Variants in ACKR2 observed in about 807,000 individuals in gnomAD.
ACKR2 encodes the protein atypical chemokine receptor 2.
For missense variants in ACKR2, 457 were observed against 477.3 expected, an observed-to-expected ratio of 0.96 and a Z score of 0.40; for synonymous variants, 207 against 192.2, an observed-to-expected ratio of 1.08 and a Z score of -0.64.
intron 1 of ACKR2, among the ~76,000 whole-genome samples, chr3:42,816,993 C>G (rs764149333): frequency 6.6e-6 from 1 of 152,160 alleles, no homozygotes; most frequent in Non-Finnish European, 1.5e-5. Flanking sequence ...TCAAAAGACA[C>G]GGCTTTGAAT....
chr3:42,857,857 T>G (rs538313976), intron 2 of ACKR2, among the ~76,000 whole-genome samples: 41 of 152,350 alleles, frequency 2.7e-4, no homozygotes, highest in African/African-American at 9.1e-4. Flanking sequence ...CTGCCATTAC[T>G]GAGGCTTGAG....
intron 2 of ACKR2, among the ~76,000 whole-genome samples, chr3:42,820,039 A>G (rs1302855523): frequency 6.6e-6 from 1 of 152,190 alleles, no homozygotes; most frequent in South Asian, 2.1e-4. Flanking sequence ...AAGCTCTCCA[A>G]GTCATTCTGC....
At chr3:42,835,171 G>C (rs184625982) in intron 2 of ACKR2, 14 of 150,306 alleles carry the variant, frequency 9.3e-5, no homozygotes, top group Admixed American at 8.2e-4. Context: ...GAGCCAGCAC[G>C]ATCGGCCTGA....
intron 2 of ACKR2, among the ~76,000 whole-genome samples, chr3:42,832,416 G>C (rs1277115271): frequency 6.6e-6 from 1 of 152,058 alleles, no homozygotes; most frequent in Non-Finnish European, 1.5e-5. Flanking sequence ...TTGAACTGGG[G>C]AGGCAGAGGT....
intron 2 of ACKR2, among the ~76,000 whole-genome samples, chr3:42,823,399 C>T (rs1468884527): frequency 1.3e-5 from 2 of 152,190 alleles, no homozygotes; most frequent in Admixed American, 1.3e-4. Flanking sequence ...ACTGCTTTCT[C>T]TCCTGTCTGG....
chr3:42,847,486 G>T (rs1293507951), intron 2 of ACKR2, among the ~76,000 whole-genome samples: 1 of 152,192 alleles, frequency 6.6e-6, no homozygotes, highest in African/African-American at 2.4e-5. Flanking sequence ...AAATTGGAGG[G>T]CAAGTTTGTA....
chr3:42,843,773 A>G (rs1279592917), intron 2 of ACKR2: 1 of 152,260 alleles, frequency 6.6e-6, no homozygotes, highest in Non-Finnish European at 1.5e-5. Context: ...TTTAGGAGAG[A>G]GGACTGGGAT....
intron 1 of ACKR2, among the ~76,000 whole-genome samples, chr3:42,818,312 G>A (rs1469684978): frequency 1.3e-5 from 2 of 152,176 alleles, no homozygotes; most frequent in African/African-American, 4.8e-5. Flanking sequence ...TGAAAGCTGG[G>A]TCAATCCCTG....
rs150893366 is a variant in ACKR2, at chr3:42,821,735, C to T, written c.-38+2024C>T. ...TTTTTTAGAGAGAGTCTCGTTCTGTCGCCCAGGCTGGAGTGCAGTGGCGCT... is the reference window on the plus strand; with the variant it reads ...TTTTTTAGAGAGAGTCTCGTTCTGTTGCCCAGGCTGGAGTGCAGTGGCGCT... On this transcript the variant is annotated intron_variant, in intron 2 of 2. Transcript: ENST00000422265. Among the ~76,000 whole-genome samples, 465 of 151,768 alleles carry T rather than the reference C, an allele frequency of 3.1e-3. 3 individuals are homozygous for T. Among genetic ancestry groups the T allele is most frequent in the African/African-American group, 0.011 (441 of 41,368 alleles).
intron 2 of ACKR2, among the ~76,000 whole-genome samples, chr3:42,829,064 C>T (rs927141472): frequency 6.6e-6 from 1 of 151,984 alleles, no homozygotes; most frequent in Non-Finnish European, 1.5e-5. Flanking sequence ...AGCAGGTGTC[C>T]TGGTATAGAG....
At chr3:42,817,910 C>T (rs547962466) in intron 1 of ACKR2, among the ~76,000 whole-genome samples, 2 of 152,324 alleles carry the variant, frequency 1.3e-5, no homozygotes, top group East Asian at 3.9e-4. Flanking sequence ...GTCATTCTTT[C>T]TTAGTTACAG....
intron 2 of ACKR2, among the ~76,000 whole-genome samples, chr3:42,858,110 A>T (rs2088342281): frequency 6.6e-6 from 1 of 152,152 alleles, no homozygotes; most frequent in African/African-American, 2.4e-5. Flanking sequence ...GGCAGACTTA[A>T]ATGTTCCTGC....
intron 2 of ACKR2, among the ~76,000 whole-genome samples, chr3:42,823,921 C>T (rs1700835865): frequency 6.6e-6 from 1 of 152,182 alleles, no homozygotes; most frequent in Non-Finnish European, 1.5e-5. Context: ...TCACAGTCGT[C>T]CCTTCGTATC....
chr3:42,810,868 A>T (rs746379255), intron 1 of ACKR2, among the ~76,000 whole-genome samples: 2 of 152,086 alleles, frequency 1.3e-5, no homozygotes, highest in Non-Finnish European at 2.9e-5. Context: ...TCATTTCCTC[A>T]TTCCTTTTTT....
intron 2 of ACKR2, among the ~76,000 whole-genome samples, chr3:42,821,882 G>A (rs967607834): frequency 2.0e-4 from 31 of 152,008 alleles, no homozygotes; most frequent in Non-Finnish European, 4.4e-4. Context: ...ATTTTTAGTA[G>A]AGACGGGGTT....
chr3:42,862,781 T>C (rs551997862), intron 2 of ACKR2, among the ~76,000 whole-genome samples: 236 of 152,274 alleles, frequency 1.5e-3, no homozygotes, highest in African/African-American at 5.5e-3. Flanking sequence ...ATCTAATAAA[T>C]GGTGTTGGGA....
intron 2 of ACKR2, among the ~76,000 whole-genome samples, chr3:42,845,443 C>A (rs1167819040): frequency 6.6e-6 from 1 of 152,106 alleles, no homozygotes; most frequent in Non-Finnish European, 1.5e-5. Flanking sequence ...CTCACTGTAA[C>A]CTCCACCTCC....
chr3:42,847,353 G>C (rs567800230), intron 2 of ACKR2, among the ~76,000 whole-genome samples: 1 of 152,296 alleles, frequency 6.6e-6, no homozygotes, highest in African/African-American at 2.4e-5. Context: ...AGAGGAAGTG[G>C]AAGAGGTGAG....
At chr3:42,819,009 G>A (rs12638391) in intron 1 of ACKR2, among the ~76,000 whole-genome samples, 1 of 152,018 alleles carries the variant, frequency 6.6e-6, no homozygotes, top group Non-Finnish European at 1.5e-5. Context: ...GGAAATGGGG[G>A]GCAGGTGGGA....
Sources: gnomAD v4.1 joint callset for allele counts (sites outside exome capture counted in the v4.1 genomes callset) on GRCh38, gnomAD v4.1.1 for gene constraint, MANE v1.5 for transcripts, NCBI Gene and HGNC (gene_info 2026-07-23, HGNC 2026-07-21) for gene names.